Variants in DIP2C observed in about 807,000 individuals in gnomAD.
DIP2C encodes disco-interacting protein 2 homolog C.
Under a neutral mutation model 192.4 loss-of-function variants are expected in DIP2C, and 33 were observed. The observed-to-expected ratio is 0.17, with a 90% CI of 0.13 to 0.23. The LOEUF (loss-of-function observed/expected upper bound fraction) is 0.23, where lower values mean the gene tolerates loss of function less well. Ranked by LOEUF, DIP2C falls within the 10% of genes least tolerant of loss-of-function variation. The probability of loss-of-function intolerance (pLI) is 1.00; values close to 1 mark genes in which losing one functional copy is unlikely to be tolerated. For missense variants in DIP2C, 1,537 were observed against 2,110.1 expected (o/e 0.73, Z 5.32); for synonymous variants, 979 against 864.1 (o/e 1.13, Z -2.33).
rs962742529 is a variant in DIP2C, at chr10:297,261, C to T, written c.3987-8840G>A. Among the ~76,000 whole-genome samples the T allele has an allele frequency of 3.6e-4, 54 of 147,984 alleles. 1 individual carries two copies. In the East Asian group the frequency reaches 5.3e-3, roughly 15 times the overall value. On this transcript the variant is annotated intron_variant, in intron 32 of 36. Transcript: ENST00000280886. ...CCACATACACACACACACACACACA[C>T]ACACACACACACACCAAACTACGAA... is the stretch of plus-strand genomic sequence containing the variant.
At chr10:542,419 A>G (rs1050237241) in intron 1 of DIP2C, among the ~76,000 whole-genome samples, 1 of 152,158 alleles carries the variant, frequency 6.6e-6, no homozygotes, top group Non-Finnish European at 1.5e-5. Flanking sequence ...TGGGGAAAAC[A>G]AGCTTCAGAA....
rs368114993 is a variant in DIP2C at position 364,588 on chromosome 10, G to A, written c.2269-6C>T. The A allele has an allele frequency of 1.3e-5, 21 of 1,612,916 alleles. No homozygotes were observed. Among genetic ancestry groups the A allele is most frequent in the Non-Finnish European group, 1.5e-5 (18 of 1,179,164 alleles). On this transcript the variant is annotated splice_polypyrimidine_tract_variant and splice_region_variant and intron_variant, in intron 19 of 36. Coordinates refer to ENST00000280886, the MANE Select transcript of DIP2C (RefSeq NM_014974.3). ...GAGCTTGTCATGGGAAACACCTGGG[G>A]GAAACAGCATCCATCAGGCCACTGT...
intron 3 of DIP2C, among the ~76,000 whole-genome samples, chr10:462,494 T>C (rs569737867): frequency 2.8e-4 from 42 of 152,298 alleles, no homozygotes; most frequent in South Asian, 1.5e-3. Context: ...AATCCCTGAA[T>C]AGACCAATAA....
chr10:661,436 C>T (rs929460947), intron 1 of DIP2C, among the ~76,000 whole-genome samples: 4 of 152,188 alleles, frequency 2.6e-5, no homozygotes, highest in African/African-American at 4.8e-5. Flanking sequence ...CTGCTCCCTG[C>T]GCTTCTCACC....
rs374277757 is a variant in DIP2C at position 686,868 on chromosome 10, A to T, written c.85+2626T>A. On this transcript the variant is annotated intron_variant, in intron 1 of 36. Coordinates refer to ENST00000280886, the MANE Select transcript of DIP2C (RefSeq NM_014974.3). The stretch of plus-strand genomic sequence containing the variant: ...AGCAGAACTGGACCAGGGTCTAGAA[A>T]CCCACACAATGCGTAACCCACGCAG... Among the ~76,000 whole-genome samples, 5 of 152,366 alleles carry T rather than the reference A, an allele frequency of 3.3e-5. 1 individual carries two copies. In the South Asian group the frequency reaches 1.0e-3, roughly 32 times the overall value.
intron 1 of DIP2C, among the ~76,000 whole-genome samples, chr10:673,502 A>G (rs989114753): frequency 2.6e-5 from 4 of 152,186 alleles, no homozygotes; most frequent in Non-Finnish European, 5.9e-5. Flanking sequence ...ACCTTTCAGG[A>G]GCAAATCATA....
At chr10:369,752 G>GTGCTGGCACCCCAT in intron 17 of DIP2C, 119 bp from the exon 18 acceptor site, 1 of 1,537,244 alleles carries the variant, frequency 6.5e-7, no homozygotes, top group South Asian at 1.1e-5. Flanking sequence ...TGGCACCCCA[G>GTGCTGGCACCCCAT]GCACAGTGCT....
chr10:390,908 A>G (rs10904093), intron 10 of DIP2C, 45 bp from the exon 11 acceptor site: 697,754 of 1,603,130 alleles, frequency 0.44, 157,589 homozygotes, highest in Non-Finnish European at 0.47. Flanking sequence ...GACCTGCCCC[A>G]CTCCGCCCAG....
At chr10:585,744 G>A (rs1438305425) in intron 1 of DIP2C, among the ~76,000 whole-genome samples, 1 of 152,124 alleles carries the variant, frequency 6.6e-6, no homozygotes, top group Non-Finnish European at 1.5e-5. Flanking sequence ...CAACCAGGAA[G>A]ATCATCATTC....
At chr10:366,519 T>C (rs993586146) in intron 18 of DIP2C, 108 bp from the exon 19 acceptor site, 11 of 1,496,402 alleles carry the variant, frequency 7.4e-6, no homozygotes, top group Non-Finnish European at 9.1e-6. Context: ...AGGAATGGGG[T>C]CTGGAGCAAA....
chr10:485,389 A>G (rs770169877), intron 2 of DIP2C, among the ~76,000 whole-genome samples: 10 of 152,338 alleles, frequency 6.6e-5, no homozygotes, highest in Non-Finnish European at 1.5e-4. Context: ...TCGCCCCAGC[A>G]TTCCAGCCCA....
In DIP2C at chr10:636,137, A is replaced by G. The variant is rs754938235; in HGVS notation, c.85+53357T>C. Reference sequence around the variant, plus strand: ...TAGCTACATACAAAATAACTTTATCACAAGGAAAACTAGGTGGTGAACCCA... The same window carrying G: ...TAGCTACATACAAAATAACTTTATCGCAAGGAAAACTAGGTGGTGAACCCA... On this transcript the variant is annotated intron_variant, in intron 1 of 36. Transcript: ENST00000280886. The surrounding 1 kb of genome is among the most constrained non-coding windows in gnomAD (Gnocchi z 4.6). Among the ~76,000 whole-genome samples the G allele has an allele frequency of 2.0e-5, 3 of 152,174 alleles. No homozygotes were observed. The highest frequency in any genetic ancestry group is 4.4e-5 in the Non-Finnish European group (3 of 68,028).
At chr10:628,215 C>T (rs941708108) in intron 1 of DIP2C, among the ~76,000 whole-genome samples, 3 of 152,196 alleles carry the variant, frequency 2.0e-5, no homozygotes, top group Non-Finnish European at 4.4e-5. Flanking sequence ...ACCTACCTCT[C>T]AGGCTGAGAT....
At chr10:370,689 T>C (rs1181550648) in intron 17 of DIP2C, among the ~76,000 whole-genome samples, 1 of 152,250 alleles carries the variant, frequency 6.6e-6, no homozygotes, top group Non-Finnish European at 1.5e-5. Flanking sequence ...CCTCAACGGT[T>C]ATCTAAGTGA....
intron 1 of DIP2C, among the ~76,000 whole-genome samples, chr10:686,906 C>T (rs187048242): frequency 2.2e-4 from 33 of 152,394 alleles, no homozygotes; most frequent in African/African-American, 7.7e-4. Flanking sequence ...TGGCAGCCCA[C>T]ACAGGAACCT....
intron 32 of DIP2C, among the ~76,000 whole-genome samples, chr10:303,003 C>T (rs960656130): frequency 6.6e-6 from 1 of 152,108 alleles, no homozygotes; most frequent in African/African-American, 2.4e-5. Context: ...TCGCATGTGT[C>T]TGTAGGTTCG....
intron 1 of DIP2C, among the ~76,000 whole-genome samples, chr10:572,868 G>A (rs757111901): frequency 2.0e-5 from 3 of 152,114 alleles, no homozygotes; most frequent in Non-Finnish European, 4.4e-5. Context: ...TCCAGTAAAT[G>A]ACAGCCGGCG....
intron 1 of DIP2C, chr10:669,211 G>A (rs957505093): frequency 2.0e-4 from 31 of 152,128 alleles, no homozygotes; most frequent in Non-Finnish European, 4.0e-4. Context: ...TTGCTCCAAA[G>A]AAAAAGTTCT....
chr10:376,675 C>G (rs2132839641), intron 17 of DIP2C, among the ~76,000 whole-genome samples: 1 of 151,890 alleles, frequency 6.6e-6, no homozygotes, highest in Non-Finnish European at 1.5e-5. Context: ...GGGGCAGCCA[C>G]ACAACGCACA....
Sources: gnomAD v4.1 joint callset for allele counts (sites outside exome capture counted in the v4.1 genomes callset) on GRCh38, gnomAD v4.1.1 for gene constraint, Gnocchi (gnomAD v3.1) non-coding constraint, MANE v1.5 for transcripts, NCBI Gene and HGNC (gene_info 2026-07-23, HGNC 2026-07-21) for gene names.